Variants in ENO2 observed in about 807,000 individuals in gnomAD.
The protein encoded by ENO2 is gamma-enolase.
Under a neutral mutation model 48.7 loss-of-function variants are expected in ENO2, and 19 were observed. That is an observed-to-expected ratio of 0.39 (90% confidence interval 0.27 to 0.57). The LOEUF is 0.57. ENO2 is among the 20% of genes least tolerant of loss of function. The pLI is 0.58. For synonymous variants in ENO2, 198 were observed against 213.4 expected (o/e 0.93, Z 0.63); for missense variants, 416 against 555.0 (o/e 0.75, Z 2.52).
chr12:6,921,865 G>A, intron 9 of ENO2, 83 bp downstream of exon 9: 1 of 1,568,546 alleles, frequency 6.4e-7, no homozygotes, highest in Non-Finnish European at 8.7e-7. Context: ...ATTCTACCCA[G>A]GGGTGCCAAA....
chr12:6,920,436 C>G (rs781889640), intron 8 of ENO2, among the ~76,000 whole-genome samples: 1 of 143,316 alleles, frequency 7.0e-6, no homozygotes, highest in Non-Finnish European at 1.5e-5. Context: ...TTTGACTCTT[C>G]TTGCCCAGGC....
chr12:6,917,468 G>A, intron 5 of ENO2, 113 bp from the exon 6 acceptor site: 1 of 1,423,426 alleles, frequency 7.0e-7, no homozygotes, highest in Non-Finnish European at 9.4e-7. Context: ...GCAGGGGTGG[G>A]GAGGGAGGAG....
Position 6,922,279 on chromosome 12 carries a change from G to T in ENO2, c.1177-65G>T. ...AGGGTGTCAGGGGAGTTTCAGGAGA[G>T]CAGAAGTTTCCTTTCAGGGGTGAGA... On this transcript the variant is annotated intron_variant, in intron 10 of 11. Transcript: ENST00000229277. The surrounding 1 kb of genome is among the most constrained non-coding windows in gnomAD (Gnocchi z 5.3). 6.2e-7 allele frequency: 1 copy of T among 1,613,154 alleles called. No individual in the cohort carries two copies. Among genetic ancestry groups the T allele is most frequent in the Non-Finnish European group, 8.5e-7 (1 of 1,179,162 alleles).
At chr12:6,919,029 C>T (rs2138186529) in intron 7 of ENO2, among the ~76,000 whole-genome samples, 1 of 37,444 alleles carries the variant, frequency 2.7e-5, no homozygotes. Flanking sequence ...CTTGGGAATA[C>T]TGGGAGATGG....
intron 8 of ENO2, among the ~76,000 whole-genome samples, chr12:6,921,258 G>A (rs1945338283): frequency 6.6e-6 from 1 of 152,170 alleles, no homozygotes; most frequent in Admixed American, 6.5e-5. Flanking sequence ...GCTGAGTGTG[G>A]TGCCACACAC....
At chr12:6,917,132 G>A (rs782336478) in intron 5 of ENO2, 25 bp downstream of exon 5, 1 of 1,613,598 alleles carries the variant, frequency 6.2e-7, no homozygotes, top group African/African-American at 1.3e-5. Context: ...GGAGAAAGTG[G>A]GGAAGCGTCA....
In ENO2 at chr12:6,922,709, C is replaced by T. The variant is rs782520395; in HGVS notation, c.1236-22C>T. 6.2e-7 allele frequency: 1 copy of T among 1,613,844 alleles called. No homozygotes were observed. Among genetic ancestry groups the T allele is most frequent in the Non-Finnish European group, 8.5e-7 (1 of 1,179,900 alleles). ...ATCCTCCTGCATCCCTGACCACTTC[C>T]TTTGTGGTTCATCTCTCTCAGAATT... is the stretch of plus-strand genomic sequence containing the variant. On this transcript the variant is annotated intron_variant, in intron 11 of 11. Transcript: ENST00000229277. The surrounding 1 kb of genome is among the most constrained non-coding windows in gnomAD (Gnocchi z 5.3).
chr12:6,920,364 AT>A lies in ENO2; in HGVS notation c.865+609del, dbSNP rs1400572170. ...GGTTGTGAACCCTTGTTACTGGAAGATTTTTTTTGGGGGGGGGGTGGGGTTG... is the reference window on the plus strand; with the variant it reads ...GGTTGTGAACCCTTGTTACTGGAAGATTTTTTTGGGGGGGGGGTGGGGTTG... On this transcript the variant is annotated intron_variant, in intron 8 of 11. Coordinates refer to ENST00000229277, the MANE Select transcript of ENO2 (RefSeq NM_001975.3). 1.3e-3 allele frequency among the ~76,000 whole-genome samples: 88 copies of A among 67,966 alleles called. No individual in the cohort carries two copies. In the South Asian group the frequency reaches 0.013, roughly 10 times the overall value. 44.6% of individuals were successfully genotyped at this position (67,966 alleles called of 152,430 possible). A position where few individuals can be genotyped will look rare whatever the true frequency, so the allele number is the denominator to read the frequency against.
chr12:6,915,643 G>A, intron 1 of ENO2, 178 bp from the exon 2 acceptor site: 1 of 607,700 alleles, frequency 1.6e-6, no homozygotes, highest in Non-Finnish European at 3.0e-6. Flanking sequence ...CTCTTCCCAG[G>A]GGGGAGGGGG....
rs782046280 is a variant in ENO2 at position 6,916,722 on chromosome 12, T to A, written c.233T>A (p.Ile78Asn). 1 of 1,614,104 alleles carries A rather than the reference T, an allele frequency of 6.2e-7. No homozygotes were observed. The highest frequency in any genetic ancestry group is 8.5e-7 in the Non-Finnish European group (1 of 1,180,010). ...AACTCCACCATCGCGCCAGCCCTCA[T>A]CAGCTCAGTGAGGCCTGCTCTTTGC... The part of the protein sequence containing the change: ...HINSTIAPAL[I>N]SSGLSVVEQE... The change falls in exon 4 of 12, where the codon ATC becomes AAC. Residue 78 changes from isoleucine (I) to asparagine (N), a missense_variant. Ile to Asn is a moderately radical substitution (Grantham distance 149). Transcript: ENST00000229277. The surrounding 1 kb of genome is among the most constrained non-coding windows in gnomAD (Gnocchi z 4.5).
In ENO2 at chr12:6,918,112, A is replaced by G. The variant is rs781967737; in HGVS notation, c.617A>G (p.Asn206Ser). 6.2e-6 allele frequency: 10 copies of G among 1,614,176 alleles called. No individual in the cohort carries two copies. The highest frequency in any genetic ancestry group is 1.7e-6 in the Non-Finnish European group (2 of 1,180,020). The part of the protein sequence containing the change: ...IKDKYGKDAT[N>S]VGDEGGFAPN... ...GACAAATACGGCAAGGATGCCACCA[A>G]TGTGGGGGATGAAGGTGGCTTTGCC... Residue 206 changes from asparagine to serine, a missense_variant, in exon 7 of 12, where the codon AAT becomes AGT. Asn to Ser is a conservative substitution (Grantham distance 46, BLOSUM62 1). Transcript: ENST00000229277.
intron 9 of ENO2, 118 bp from the exon 10 acceptor site, chr12:6,921,938 C>G (rs1945344793): frequency 2.6e-6 from 4 of 1,514,114 alleles, no homozygotes; most frequent in Non-Finnish European, 3.7e-6. Context: ...ACCCCTGATT[C>G]TCTGCTCCCC....
rs922661065 is a variant in ENO2 at position 6,914,790 on chromosome 12, C to G, written c.-13+131C>G. ...CGGTGCAGCTGCGCACCTGCTCCGC[C>G]GCCCGCGCCCAGGGCGCCTTCCCTC... On this transcript the variant is annotated intron_variant, in intron 1 of 11. Transcript: ENST00000229277. This position sits in a 1 kb window ranked among gnomAD's most constrained non-coding sequence, Gnocchi z 7.1. 6.5e-6 allele frequency: 1 copy of G among 153,540 alleles called. No individual in the cohort carries two copies. Among genetic ancestry groups the G allele is most frequent in the Non-Finnish European group, 1.5e-5 (1 of 68,814 alleles). 9.5% of individuals were successfully genotyped at this position (153,540 alleles called of 1,614,324 possible).
chr12:6,920,445 G>C (rs183601569), intron 8 of ENO2, among the ~76,000 whole-genome samples: 1 of 151,534 alleles, frequency 6.6e-6, no homozygotes, highest in East Asian at 1.9e-4. Context: ...TCTTGCCCAG[G>C]CTGGAGTGCA....
Position 6,916,575 on chromosome 12 carries a change from A to T in ENO2, c.181+63A>T, listed in dbSNP as rs1179921639. Reference sequence around the variant, plus strand: ...CAGCCTTATGCCCCTACCTCACACCAGTCCCCAGTCCTCCTCTAGCATGGC... The same window carrying T: ...CAGCCTTATGCCCCTACCTCACACCTGTCCCCAGTCCTCCTCTAGCATGGC... On this transcript the variant is annotated intron_variant, in intron 3 of 11. Transcript: ENST00000229277. The surrounding 1 kb of genome is among the most constrained non-coding windows in gnomAD (Gnocchi z 4.5). 3.1e-6 allele frequency: 5 copies of T among 1,610,740 alleles called. No individual in the cohort carries two copies. The Admixed American group carries it at 8.3e-5, about 27-fold the overall frequency.
At chr12:6,921,540 A>G (rs1945340749) in intron 8 of ENO2, 41 bp from the exon 9 acceptor site, 1 of 1,598,574 alleles carries the variant, frequency 6.3e-7, no homozygotes, top group Admixed American at 1.7e-5. Context: ...GACCCAGGGA[A>G]GATGAACACC....
chr12:6,917,584 A>G lies in ENO2; in HGVS notation c.314A>G (p.Lys105Arg). The G allele has an allele frequency of 6.2e-7, 1 of 1,612,620 alleles. No individual in the cohort carries two copies. Among genetic ancestry groups the G allele is most frequent in the Non-Finnish European group, 8.5e-7 (1 of 1,179,216 alleles). The change falls in exon 6 of 12, where the codon AAG becomes AGG. Residue 105 changes from lysine (K) to arginine (R), a missense_variant. Physicochemically the swap from Lys to Arg is conservative, Grantham distance 26. Coordinates refer to ENST00000229277, the MANE Select transcript of ENO2 (RefSeq NM_001975.3). ...ACCTTCCTCTATAATCTCCTAGCCA[A>G]GTTTGGGGCCAATGCCATCCTGGGT... ...LELDGTENKS[K>R]FGANAILGVS...
Position 6,916,669 on chromosome 12 carries a change from A to G in ENO2, c.182-2A>G. ...CCCAGTCCAGCCTCTTCCTTTCCCC[A>G]GGTGTCCTGAAGGCAGTGGACCACA... On this transcript the variant is annotated splice_acceptor_variant, in intron 3 of 11. Transcript: ENST00000229277. LOFTEE classifies it high-confidence loss of function. This position sits in a 1 kb window ranked among gnomAD's most constrained non-coding sequence, Gnocchi z 4.5. 6.2e-7 allele frequency: 1 copy of G among 1,613,846 alleles called. No homozygotes were observed.
At position 6,922,132 on chromosome 12, in the gene ENO2, G is replaced by A; in HGVS notation, c.1144G>A (p.Ala382Thr). The A allele has an allele frequency of 6.2e-7, 1 of 1,614,146 alleles. No homozygotes were observed. Among genetic ancestry groups the A allele is most frequent in the Non-Finnish European group, 8.5e-7 (1 of 1,180,024 alleles). Residue 382 changes from alanine (A) to threonine (T), a missense_variant, in exon 10 of 12, where the codon GCT (alanine) becomes ACT (threonine). By Grantham distance (58) the Ala-to-Thr change is moderately conservative. Coordinates refer to ENST00000229277, the MANE Select transcript of ENO2 (RefSeq NM_001975.3). The surrounding 1 kb of genome is among the most constrained non-coding windows in gnomAD (Gnocchi z 5.3). ...AGGAGAGACTGAGGACACATTCATT[G>A]CTGACCTGGTGGTGGGGCTGTGCAC... The part of the protein sequence containing the change: ...RSGETEDTFI[A>T]DLVVGLCTGQ...
Sources: gnomAD v4.1 joint callset for allele counts (sites outside exome capture counted in the v4.1 genomes callset) on GRCh38, gnomAD v4.1.1 for gene constraint, Gnocchi (gnomAD v3.1) non-coding constraint, MANE v1.5 for transcripts, NCBI Gene and HGNC (gene_info 2026-07-23, HGNC 2026-07-21) for gene names.